PTH2R: variants seen among roughly 807,000 people sequenced by gnomAD.
The protein encoded by PTH2R is parathyroid hormone 2 receptor, also known as PTH2 receptor.
PTH2R carries 59 observed loss-of-function variants against 60.3 expected under a neutral mutation model. The ratio of observed to expected loss-of-function variants is 0.98; its 90% CI spans 0.79 to 1.22. The LOEUF (loss-of-function observed/expected upper bound fraction) is 1.22, where lower values mean the gene tolerates loss of function less well. Among genes scored for constraint, PTH2R ranks in the 50% most tolerant of loss-of-function variants. PTH2R has a pLI of 0.00. For synonymous variants in PTH2R, 256 were observed against 243.8 expected (o/e 1.05, Z -0.47); for missense variants, 749 against 682.6 (o/e 1.10, Z -1.08).
intron 7 of PTH2R, among the ~76,000 whole-genome samples, chr2:208,449,981 C>T (rs1702370166): frequency 6.6e-6 from 1 of 152,136 alleles, no homozygotes. Flanking sequence ...TTTCAGTCCC[C>T]TACTGCAGTA....
chr2:208,443,649 C>G, intron 6 of PTH2R, 112 bp downstream of exon 6: 1 of 824,120 alleles, frequency 1.2e-6, no homozygotes, highest in Non-Finnish European at 1.8e-6. Flanking sequence ...TCTGAACTAA[C>G]TAAAATGGAT....
chr2:208,438,665 C>G (rs1301919225), intron 4 of PTH2R, among the ~76,000 whole-genome samples: 3 of 152,104 alleles, frequency 2.0e-5, no homozygotes, highest in Non-Finnish European at 4.4e-5. Flanking sequence ...GCATATGATG[C>G]TAAGAGTTAA....
chr2:208,384,355 T>C (rs1286068404), intron 1 of PTH2R, among the ~76,000 whole-genome samples: 3 of 152,166 alleles, frequency 2.0e-5, no homozygotes, highest in African/African-American at 7.2e-5. Context: ...TGTGGAGAAA[T>C]GCATGAAAGT....
intron 9 of PTH2R, among the ~76,000 whole-genome samples, chr2:208,475,364 A>G (rs913293403): frequency 5.9e-5 from 9 of 152,322 alleles, no homozygotes; most frequent in African/African-American, 2.2e-4. Context: ...TAGGAGTAAT[A>G]AAAGAGAAAA....
intron 1 of PTH2R, among the ~76,000 whole-genome samples, chr2:208,378,592 A>T (rs1275265864): frequency 2.0e-5 from 3 of 152,030 alleles, no homozygotes; most frequent in Non-Finnish European, 2.9e-5. Flanking sequence ...TTTATAAGCA[A>T]GACCCCAGAG....
intron 1 of PTH2R, among the ~76,000 whole-genome samples, chr2:208,386,497 T>C (rs1404697092): frequency 6.6e-6 from 1 of 152,184 alleles, no homozygotes; most frequent in Non-Finnish European, 1.5e-5. Flanking sequence ...AGTCGATGTA[T>C]GTGTTTGTGT....
chr2:208,477,973 C>G (rs62193683), intron 9 of PTH2R, among the ~76,000 whole-genome samples: 13 of 24,590 alleles, frequency 5.3e-4, no homozygotes, highest in Admixed American at 3.9e-3. Flanking sequence ...AGTACTAGTA[C>G]TACTAGCACT....
chr2:208,468,411 G>A (rs1362173232), intron 9 of PTH2R, among the ~76,000 whole-genome samples: 1 of 152,156 alleles, frequency 6.6e-6, no homozygotes, highest in African/African-American at 2.4e-5. Context: ...GATGGAGCCG[G>A]GTTCTGACTT....
intron 1 of PTH2R, among the ~76,000 whole-genome samples, chr2:208,412,711 T>A (rs1408721415): frequency 1.3e-5 from 2 of 152,190 alleles, no homozygotes; most frequent in Admixed American, 6.5e-5. Context: ...CATTTTATCA[T>A]GTCAAGAGTA....
intron 1 of PTH2R, among the ~76,000 whole-genome samples, chr2:208,419,602 C>T (rs1234708887): frequency 6.6e-6 from 1 of 152,158 alleles, no homozygotes; most frequent in Non-Finnish European, 1.5e-5. Context: ...CTTGCCCGTG[C>T]CTATGTCCTG....
intron 10 of PTH2R, among the ~76,000 whole-genome samples, chr2:208,486,901 G>C (rs1259859190): frequency 6.6e-6 from 1 of 152,214 alleles, no homozygotes; most frequent in African/African-American, 2.4e-5. Flanking sequence ...AAAGTAGGAG[G>C]TGTGAGTACC....
intron 9 of PTH2R, among the ~76,000 whole-genome samples, chr2:208,461,369 C>T (rs937714221): frequency 8.5e-5 from 13 of 152,188 alleles, no homozygotes; most frequent in African/African-American, 3.1e-4. Context: ...CTCAGATTTC[C>T]CTTTCACTCA....
At chr2:208,443,558 C>A (rs1377572854) in intron 6 of PTH2R, 21 bp downstream of exon 6, 1 of 1,565,060 alleles carries the variant, frequency 6.4e-7, no homozygotes, top group Non-Finnish European at 8.7e-7. Context: ...TCACCATTTT[C>A]TCTCATTACT....
chr2:208,437,282 C>G lies in PTH2R; in HGVS notation c.179-255C>G, dbSNP rs557662891. On this transcript the variant is annotated intron_variant, in intron 2 of 12. Coordinates refer to ENST00000272847, the MANE Select transcript of PTH2R (RefSeq NM_005048.4). ...AAATTAATTGCTATAGCTACCATAA[C>G]TAGTATGCTGGAATAATTTGAATAT... Among the ~76,000 whole-genome samples the G allele has an allele frequency of 3.0e-4, 45 of 152,204 alleles. 1 individual carries two copies. In the South Asian group the frequency reaches 8.3e-3, roughly 28 times the overall value.
intron 10 of PTH2R, among the ~76,000 whole-genome samples, chr2:208,483,389 G>A (rs1703202216): frequency 6.6e-6 from 1 of 152,156 alleles, no homozygotes; most frequent in African/African-American, 2.4e-5. Context: ...AGAGTGTAGT[G>A]GTGTTTAGAA....
chr2:208,444,278 C>G (rs1702244799), intron 6 of PTH2R, among the ~76,000 whole-genome samples: 1 of 152,166 alleles, frequency 6.6e-6, no homozygotes, highest in Non-Finnish European at 1.5e-5. Context: ...CCCAGCCCAT[C>G]CACAGATTTC....
chr2:208,361,531 GTGT>G (rs1700473662), intron 1 of PTH2R, among the ~76,000 whole-genome samples: 1 of 151,736 alleles, frequency 6.6e-6, no homozygotes. Context: ...AAGTATAATT[GTGT>G]TGTTGTGAAA....
intron 2 of PTH2R, among the ~76,000 whole-genome samples, chr2:208,433,830 T>C (rs1702020332): frequency 6.6e-6 from 1 of 152,226 alleles, no homozygotes; most frequent in South Asian, 2.1e-4. Flanking sequence ...GTAAATGTCA[T>C]GGTTTGACAA....
intron 2 of PTH2R, among the ~76,000 whole-genome samples, chr2:208,435,213 C>T (rs768657300): frequency 2.6e-5 from 4 of 152,108 alleles, no homozygotes; most frequent in East Asian, 1.9e-4. Flanking sequence ...TTAGCCAGAA[C>T]AAAAATCCTC....
Sources: gnomAD v4.1 joint callset for allele counts (sites outside exome capture counted in the v4.1 genomes callset) on GRCh38, gnomAD v4.1.1 for gene constraint, MANE v1.5 for transcripts, NCBI Gene and HGNC (gene_info 2026-07-23, HGNC 2026-07-21) for gene names.